EIF2B3: variants seen among roughly 807,000 people sequenced by gnomAD.
The protein encoded by EIF2B3 is translation initiation factor eIF2B subunit gamma.
In EIF2B3, 20 loss-of-function variants were observed where a neutral mutation model predicts 54.1. The observed-to-expected ratio is 0.37, with a 90% confidence interval of 0.26 to 0.54. EIF2B3 has a LOEUF of 0.54. Ranked by LOEUF, EIF2B3 falls within the 20% of genes least tolerant of loss-of-function variation. EIF2B3 has a pLI of 0.86. For missense variants in EIF2B3, 448 were observed against 547.8 expected (o/e 0.82, Z 1.82); for synonymous variants, 153 against 188.1 (o/e 0.81, Z 1.52).
At chr1:44,862,190 G>C (rs1345890665) in intron 10 of EIF2B3, among the ~76,000 whole-genome samples, 2 of 152,326 alleles carry the variant, frequency 1.3e-5, no homozygotes, top group Middle Eastern at 3.4e-3. Context: ...CTGCATCCTA[G>C]TTTTAACTCT....
intron 3 of EIF2B3, among the ~76,000 whole-genome samples, chr1:44,974,401 G>C (rs1644432476): frequency 2.0e-5 from 3 of 151,318 alleles, no homozygotes; most frequent in Admixed American, 6.6e-5. Flanking sequence ...TGAGCCTGGG[G>C]AGGTCGAGGT....
chr1:44,889,349 A>G (rs1207557900), intron 6 of EIF2B3, among the ~76,000 whole-genome samples: 1 of 152,066 alleles, frequency 6.6e-6, no homozygotes, highest in Non-Finnish European at 1.5e-5. Flanking sequence ...CAGCCTGGTG[A>G]ACATGGTGAA....
At chr1:44,978,672 T>C (rs1266101454) in intron 2 of EIF2B3, among the ~76,000 whole-genome samples, 3 of 132,810 alleles carry the variant, frequency 2.3e-5, no homozygotes, top group Admixed American at 1.7e-4. Flanking sequence ...GGTCTCACTC[T>C]GCCACTCAGG....
At chr1:44,888,156 G>C (rs543266405) in intron 6 of EIF2B3, among the ~76,000 whole-genome samples, 1 of 152,248 alleles carries the variant, frequency 6.6e-6, no homozygotes, top group South Asian at 2.1e-4. Context: ...GGCAAGTTTG[G>C]GCCTTGCCAG....
intron 3 of EIF2B3, among the ~76,000 whole-genome samples, chr1:44,962,741 GTAAGGAACT>G (rs1049878357): frequency 2.0e-5 from 3 of 152,164 alleles, no homozygotes; most frequent in South Asian, 2.1e-4. Flanking sequence ...TATTAAGGGA[GTAAGGAACT>G]TAAGGAACTT....
chr1:44,858,639 A>G (rs946617461), intron 10 of EIF2B3, among the ~76,000 whole-genome samples: 1 of 151,874 alleles, frequency 6.6e-6, no homozygotes, highest in African/African-American at 2.4e-5. Context: ...TAATTTTTGT[A>G]TTTTTAGTAC....
intron 10 of EIF2B3, among the ~76,000 whole-genome samples, chr1:44,870,679 G>A (rs1459075828): frequency 6.7e-6 from 1 of 149,532 alleles, no homozygotes; most frequent in African/African-American, 2.5e-5. Flanking sequence ...TTGAGAAAGA[G>A]TCTCACTCTG....
chr1:44,925,966 G>A (rs1054688763), intron 5 of EIF2B3, among the ~76,000 whole-genome samples: 1 of 151,300 alleles, frequency 6.6e-6, no homozygotes, highest in African/African-American at 2.4e-5. Flanking sequence ...GGTGGCTCAC[G>A]CCTGTAATCC....
chr1:44,863,873 G>T (rs1654687684), intron 10 of EIF2B3, among the ~76,000 whole-genome samples: 1 of 152,170 alleles, frequency 6.6e-6, no homozygotes. Flanking sequence ...TTCAGGTAAT[G>T]ATATATATAA....
chr1:44,895,700 G>T (rs1201911823), intron 6 of EIF2B3, among the ~76,000 whole-genome samples: 1 of 152,040 alleles, frequency 6.6e-6, no homozygotes, highest in Non-Finnish European at 1.5e-5. Context: ...AACAATTTAG[G>T]GTAATGGGGG....
chr1:44,911,534 TC>T (rs1643515232), intron 5 of EIF2B3, among the ~76,000 whole-genome samples: 1 of 152,178 alleles, frequency 6.6e-6, no homozygotes, highest in Non-Finnish European at 1.5e-5. Context: ...CAAGCCTTGC[TC>T]TCATTGTCAA....
Position 44,850,670 on chromosome 1 carries a change from A to G in EIF2B3, c.*281T>C, listed in dbSNP as rs1654242160. The G allele has an allele frequency of 2.0e-6, 1 of 508,166 alleles. No individual in the cohort carries two copies. Among genetic ancestry groups the G allele is most frequent in the Non-Finnish European group, 3.5e-6 (1 of 283,286 alleles). The allele number at this position is 508,166 out of a possible 1,614,324, so 31.5% of individuals were successfully genotyped here. A position where few individuals can be genotyped will look rare whatever the true frequency, so the allele number is the denominator to read the frequency against. ...CCTTCCTAGGAGCTTTACATTGGAC[A>G]GCTGCTGCCCCACCGATACATCTTG... On this transcript the variant is annotated 3_prime_UTR_variant, in exon 12 of 12. Coordinates refer to ENST00000360403, the MANE Select transcript of EIF2B3 (RefSeq NM_020365.5).
intron 3 of EIF2B3, among the ~76,000 whole-genome samples, chr1:44,967,922 C>T (rs1644360493): frequency 6.6e-6 from 1 of 151,950 alleles, no homozygotes. Context: ...CCTGTAATCC[C>T]AGCTACTCAG....
At chr1:44,935,699 C>T (rs1427701225) in intron 4 of EIF2B3, among the ~76,000 whole-genome samples, 1 of 152,154 alleles carries the variant, frequency 6.6e-6, no homozygotes, top group East Asian at 1.9e-4. Context: ...GAGGGTTTCA[C>T]CATGTTGGTC....
In EIF2B3 at chr1:44,879,859, G is replaced by A. The variant is rs780075504; in HGVS notation, c.934C>T (p.Arg312Ter). The stretch of plus-strand genomic sequence containing the variant: ...ATGTAGAGTCCCAGTGTGCTCACTC[G>A]AGAGCAGAGCCCCTCTTTCATGATG... The part of the protein sequence containing the change: ...VHIMKEGLCS[R>*]VSTLGLYMEA... Residue 312 changes from arginine to a stop codon, truncating the protein, a stop_gained, in exon 8 of 12, where the codon CGA becomes TGA. Transcript: ENST00000360403. LOFTEE classifies it high-confidence loss of function. 4 of 1,614,082 alleles carry A rather than the reference G, an allele frequency of 2.5e-6. No individual in the cohort carries two copies. The highest frequency in any genetic ancestry group is 1.1e-5 in the South Asian group (1 of 91,078).
Position 44,850,669 on chromosome 1 carries a change from C to T in EIF2B3, c.*282G>A, listed in dbSNP as rs991449922. ...GCCTTCCTAGGAGCTTTACATTGGA[C>T]AGCTGCTGCCCCACCGATACATCTT... On this transcript the variant is annotated 3_prime_UTR_variant, in exon 12 of 12. Transcript: ENST00000360403. 19 of 504,770 alleles carry T rather than the reference C, an allele frequency of 3.8e-5. No individual in the cohort carries two copies. The East Asian group carries it at 6.3e-4, about 17-fold the overall frequency. 31.3% of individuals were successfully genotyped at this position (504,770 alleles called of 1,614,324 possible).
chr1:44,900,002 A>G (rs773143248), intron 5 of EIF2B3, among the ~76,000 whole-genome samples: 5 of 152,248 alleles, frequency 3.3e-5, no homozygotes, highest in Non-Finnish European at 5.9e-5. Flanking sequence ...CTATGCAGCT[A>G]TAAAAAAGAA....
At chr1:44,942,402 TA>T (rs1644038232) in intron 3 of EIF2B3, among the ~76,000 whole-genome samples, 3 of 20,932 alleles carry the variant, frequency 1.4e-4, no homozygotes, top group African/African-American at 7.9e-4. Flanking sequence ...TATATATATA[TA>T]TATATATATA....
At position 44,881,185 on chromosome 1, in the gene EIF2B3, G is replaced by A. The variant is rs944608753; in HGVS notation, c.784+427C>T. Among the ~76,000 whole-genome samples the A allele has an allele frequency of 2.0e-5, 3 of 152,182 alleles. No individual in the cohort carries two copies. The highest frequency in any genetic ancestry group is 3.8e-4 in the East Asian group (2 of 5,198). On this transcript the variant is annotated intron_variant, in intron 7 of 11. Transcript: ENST00000360403. The surrounding 1 kb of genome is among the most constrained non-coding windows in gnomAD (Gnocchi z 4.0). ...AGATCCGATCTTCAGATCCTGGCAC[G>A]GAGACACCTGGGTTGGCCTGTGGTT...
Sources: allele counts gnomAD v4.1 joint callset (sites outside exome capture counted in the v4.1 genomes callset), GRCh38; gene constraint gnomAD v4.1.1; non-coding constraint Gnocchi (gnomAD v3.1); transcripts MANE v1.5; gene names NCBI Gene and HGNC (gene_info 2026-07-23, HGNC 2026-07-21).